TFR2: variants seen among roughly 807,000 people sequenced by gnomAD.
TFR2 encodes the protein transferrin receptor 2.
In TFR2, 64 loss-of-function variants were observed where a neutral mutation model predicts 91.9. The observed-to-expected ratio is 0.70, with a 90% confidence interval of 0.57 to 0.86. The LOEUF (loss-of-function observed/expected upper bound fraction) is 0.86, where lower values mean the gene tolerates loss of function less well. Among genes scored for constraint, TFR2 ranks in the 40% least tolerant of loss-of-function variants. The pLI is 0.00. For synonymous variants in TFR2, 454 were observed against 459.6 expected, an observed-to-expected ratio of 0.99 and a Z score of 0.15; for missense variants, 950 against 1,080.5, an observed-to-expected ratio of 0.88 and a Z score of 1.69.
In TFR2 at chr7:100,627,267, G is replaced by A. The variant is rs1345243339; in HGVS notation, c.1992C>T (p.Leu664=). The part of the protein sequence containing the change: ...IGNLNEFSGD[L]KARGLTLQWV... Reference sequence around the variant, plus strand: ...GAGCGGGGTGGGCCTCTTGAACCTTGAGGTCCCCAGAGAACTCGTTGAGGT... The same window carrying A: ...GAGCGGGGTGGGCCTCTTGAACCTTAAGGTCCCCAGAGAACTCGTTGAGGT... The change falls in exon 16 of 18, where the codon CTC becomes CTT. Residue 664 remains leucine (L), a synonymous_variant. Coordinates refer to ENST00000223051, the MANE Select transcript of TFR2 (RefSeq NM_003227.4). The A allele has an allele frequency of 3.2e-6, 5 of 1,548,948 alleles. No individual in the cohort carries two copies. The highest frequency in any genetic ancestry group is 4.4e-6 in the Non-Finnish European group (5 of 1,146,760).
Position 100,633,450 on chromosome 7 carries a change from C to G in TFR2, c.580G>C (p.Asp194His), listed in dbSNP as rs1250520799. 1.2e-6 allele frequency: 2 copies of G among 1,612,822 alleles called. No individual in the cohort carries two copies. The highest frequency in any genetic ancestry group is 1.1e-5 in the South Asian group (1 of 91,022). The change falls in exon 4 of 18, where the codon GAC (aspartate) becomes CAC (histidine). Residue 194 changes from aspartate to histidine, a missense_variant. Transcript: ENST00000223051. ...SRQKLDHVWT[D>H]THYVGLQFPD... ...AATTGCAGCCCCACGTAGTGCGTGT[C>G]GGTCCACACGTGGTCCAGCTTCTGG...
At chr7:100,637,538 G>A (rs1431618556) in intron 3 of TFR2, among the ~76,000 whole-genome samples, 1 of 152,188 alleles carries the variant, frequency 6.6e-6, no homozygotes, top group Admixed American at 6.5e-5. Context: ...AGGTTACAGT[G>A]AGCTAAGATC....
intron 3 of TFR2, among the ~76,000 whole-genome samples, chr7:100,639,148 T>A (rs556995942): frequency 6.6e-6 from 1 of 152,262 alleles, no homozygotes; most frequent in South Asian, 2.1e-4. Context: ...GGCAGATCGC[T>A]TGAGCTTACG....
intron 16 of TFR2, 125 bp downstream of exon 16, chr7:100,627,139 G>T (rs977961454): frequency 1.6e-6 from 2 of 1,279,744 alleles, no homozygotes; most frequent in Admixed American, 2.0e-5. Context: ...GAGGCAGGGG[G>T]TTAATGGGCT....
Position 100,628,217 on chromosome 7 carries a change from G to A in TFR2, c.1473+7C>T, listed in dbSNP as rs772014889. ...TGCCTAACGACCTGCCCGGGACCCCGTATCACCTCTAGCCACTCCGTGGAG... is the reference window on the plus strand; with the variant it reads ...TGCCTAACGACCTGCCCGGGACCCCATATCACCTCTAGCCACTCCGTGGAG... On this transcript the variant is annotated splice_region_variant and intron_variant, in intron 11 of 17. Transcript: ENST00000223051. 39 of 1,446,778 alleles carry A rather than the reference G, an allele frequency of 2.7e-5. No homozygotes were observed. Among genetic ancestry groups the A allele is most frequent in the African/African-American group, 7.8e-5 (5 of 64,160 alleles). 89.6% of individuals were successfully genotyped at this position (1,446,778 alleles called of 1,614,324 possible). A position where few individuals can be genotyped will look rare whatever the true frequency, so the allele number is the denominator to read the frequency against.
At chr7:100,635,753 C>T (rs1345147183) in intron 3 of TFR2, among the ~76,000 whole-genome samples, 2 of 151,652 alleles carry the variant, frequency 1.3e-5, no homozygotes, top group Non-Finnish European at 1.5e-5. Context: ...TGTGAGCCAC[C>T]GTGCCTGGTC....
chr7:100,629,244 T>C lies in TFR2; in HGVS notation c.1390+9A>G. 6.2e-7 allele frequency: 1 copy of C among 1,613,528 alleles called. No homozygotes were observed. On this transcript the variant is annotated intron_variant, in intron 10 of 17. Transcript: ENST00000223051. The stretch of plus-strand genomic sequence containing the variant: ...CTAGCCCAGGCCCAGGCCCTGGCCC[T>C]GACCTTACCGTTGCTCACCATGGAG...
At position 100,630,907 on chromosome 7, in the gene TFR2, C is replaced by T. The variant is rs139383159; in HGVS notation, c.1252G>A (p.Glu418Lys). ...AGCATACCTGGCTCTGAGCGGCCTTCGATGCAGCCGAAGATGTTGTTGATG... is the reference window on the plus strand; with the variant it reads ...AGCATACCTGGCTCTGAGCGGCCTTTGATGCAGCCGAAGATGTTGTTGATG... ...TPINNIFGCI[E>K]GRSEPDHYVV... Residue 418 changes from glutamate to lysine, a missense_variant, in exon 9 of 18, where the codon GAA (glutamate) becomes AAA (lysine). Glu to Lys is a moderately conservative substitution (Grantham distance 56). Transcript: ENST00000223051. The T allele has an allele frequency of 5.0e-5, 81 of 1,612,858 alleles. No individual in the cohort carries two copies. Among genetic ancestry groups the T allele is most frequent in the Admixed American group, 3.3e-4 (20 of 59,984 alleles).
In TFR2 at chr7:100,627,804, T is replaced by C. The variant is rs934677543; in HGVS notation, c.1622A>G (p.His541Arg). 2 of 1,613,972 alleles carry C rather than the reference T, an allele frequency of 1.2e-6. No homozygotes were observed. Among genetic ancestry groups the C allele is most frequent in the Non-Finnish European group, 1.7e-6 (2 of 1,179,972 alleles). ...SVLKQVDSPN[H>R]SGQTLYEQVV... Reference sequence around the variant, plus strand: ...CTGTTCATAGAGAGTCTGCCCACTGTGGTTGGGAGAATCCACCTGGGGGTT... The same window carrying C: ...CTGTTCATAGAGAGTCTGCCCACTGCGGTTGGGAGAATCCACCTGGGGGTT... The change falls in exon 14 of 18, where the codon CAC becomes CGC. Residue 541 changes from histidine to arginine, a missense_variant. By Grantham distance (29) the His-to-Arg change is conservative (BLOSUM62 0). Transcript: ENST00000223051.
rs912304792 is a variant in TFR2, at chr7:100,620,639, C to T, written c.*218G>A. 5 of 593,052 alleles carry T rather than the reference C, an allele frequency of 8.4e-6. No homozygotes were observed. Among genetic ancestry groups the T allele is most frequent in the African/African-American group, 3.7e-5 (2 of 53,710 alleles). 36.7% of individuals were successfully genotyped at this position (593,052 alleles called of 1,614,324 possible). A position where few individuals can be genotyped will look rare whatever the true frequency, so the allele number is the denominator to read the frequency against. On this transcript the variant is annotated 3_prime_UTR_variant, in exon 18 of 18. Transcript: ENST00000223051. Reference sequence around the variant, plus strand: ...GGGATGCTACTCTCTGATTAACCGACAGTATGACCGTCACATTAGGGTCAG... The same window carrying T: ...GGGATGCTACTCTCTGATTAACCGATAGTATGACCGTCACATTAGGGTCAG...
At chr7:100,629,986 C>T (rs1271159832) in intron 9 of TFR2, among the ~76,000 whole-genome samples, 23 of 152,214 alleles carry the variant, frequency 1.5e-4, no homozygotes, top group African/African-American at 4.8e-4. Flanking sequence ...CCTCATGATC[C>T]GCCCACCTCG....
chr7:100,627,256 T>A lies in TFR2; in HGVS notation c.1995+8A>T. On this transcript the variant is annotated splice_region_variant and intron_variant, in intron 16 of 17. Transcript: ENST00000223051. The stretch of plus-strand genomic sequence containing the variant: ...CCAGAGACCAAGAGCGGGGTGGGCC[T>A]CTTGAACCTTGAGGTCCCCAGAGAA... The A allele has an allele frequency of 3.9e-6, 6 of 1,548,954 alleles. No individual in the cohort carries two copies. Among genetic ancestry groups the A allele is most frequent in the Non-Finnish European group, 5.2e-6 (6 of 1,146,678 alleles).
At chr7:100,621,415 G>A (rs1159811882) in intron 17 of TFR2, among the ~76,000 whole-genome samples, 2 of 152,082 alleles carry the variant, frequency 1.3e-5, no homozygotes, top group African/African-American at 2.4e-5. Flanking sequence ...CACGACGCCC[G>A]GCTAATTTTT....
At chr7:100,631,075 G>C in intron 8 of TFR2, 23 bp from the exon 9 acceptor site, 1 of 1,534,104 alleles carries the variant, frequency 6.5e-7, no homozygotes, top group Non-Finnish European at 8.7e-7. Context: ...AAGGCAGAAA[G>C]GGGGAAGTTG....
At position 100,623,402 on chromosome 7, in the gene TFR2, C is replaced by T. The variant is rs182634699; in HGVS notation, c.2137-2276G>A. On this transcript the variant is annotated intron_variant, in intron 17 of 17. Transcript: ENST00000223051. Reference sequence around the variant, plus strand: ...ATTTCTCCTTCTAAACACCTGACATCGGTCCAGTCCCCACCTATGAGCATT... The same window carrying T: ...ATTTCTCCTTCTAAACACCTGACATTGGTCCAGTCCCCACCTATGAGCATT... Among the ~76,000 whole-genome samples the T allele has an allele frequency of 6.0e-3, 912 of 152,342 alleles. 7 individuals are homozygous for T. The highest frequency in any genetic ancestry group is 9.7e-3 in the Admixed American group (148 of 15,294).
In TFR2 at chr7:100,633,299, T is replaced by C; in HGVS notation, c.656A>G (p.Lys219Arg). 6.2e-7 allele frequency: 1 copy of C among 1,613,674 alleles called. No individual in the cohort carries two copies. The highest frequency in any genetic ancestry group is 8.5e-7 in the Non-Finnish European group (1 of 1,179,826). ...CTCCAGCGGCAGCTGCTCTCCGACC[T>C]TCCCGGCCTCATCGACCCAGTGCAG... The part of the protein sequence containing the change: ...NTLHWVDEAG[K>R]VGEQLPLEDP... The change falls in exon 5 of 18, where the codon AAG (lysine) becomes AGG (arginine). Residue 219 changes from lysine (K) to arginine (R), a missense_variant. Transcript: ENST00000223051.
chr7:100,630,418 T>C (rs972741718), intron 9 of TFR2, among the ~76,000 whole-genome samples: 1 of 152,176 alleles, frequency 6.6e-6, no homozygotes, highest in African/African-American at 2.4e-5. Flanking sequence ...GCCTCCGGAA[T>C]AGCTGGAATT....
intron 3 of TFR2, among the ~76,000 whole-genome samples, chr7:100,638,014 GTT>G (rs933194502): frequency 3.3e-5 from 5 of 150,484 alleles, no homozygotes; most frequent in Admixed American, 6.6e-5. Flanking sequence ...TATTTGTTTT[GTT>G]TTTTTGAGAC....
chr7:100,630,023 C>T (rs529775658), intron 9 of TFR2, among the ~76,000 whole-genome samples: 105 of 152,292 alleles, frequency 6.9e-4, no homozygotes, highest in Admixed American at 4.6e-3. Flanking sequence ...GGATTACAGG[C>T]GTGAGCCACC....
Sources: gnomAD v4.1 joint callset for allele counts (sites outside exome capture counted in the v4.1 genomes callset) on GRCh38, gnomAD v4.1.1 for gene constraint, MANE v1.5 for transcripts, NCBI Gene and HGNC (gene_info 2026-07-23, HGNC 2026-07-21) for gene names.